Variants in ARFGEF1 observed in about 807,000 individuals in gnomAD.
ARFGEF1 encodes the protein brefeldin A-inhibited guanine nucleotide-exchange protein 1.
A neutral mutation model predicts 231.0 loss-of-function variants in ARFGEF1; 42 were observed. That is an observed-to-expected ratio of 0.18 (90% CI 0.14 to 0.24). The LOEUF is 0.24. Ranked by LOEUF, ARFGEF1 falls within the 10% of genes least tolerant of loss-of-function variation. The pLI is 1.00. For synonymous variants in ARFGEF1, 710 were observed against 732.3 expected, an observed-to-expected ratio of 0.97 and a Z score of 0.49; for missense variants, 1,345 against 2,192.0, an observed-to-expected ratio of 0.61 and a Z score of 7.72.
intron 1 of ARFGEF1, among the ~76,000 whole-genome samples, chr8:67,310,054 G>T (rs922178602): frequency 6.6e-6 from 1 of 152,066 alleles, no homozygotes; most frequent in Non-Finnish European, 1.5e-5. Context: ...ACCCAAACAG[G>T]ATAGAAATCC....
chr8:67,270,650 CAT>C (rs776561699), intron 10 of ARFGEF1, among the ~76,000 whole-genome samples: 27 of 134,718 alleles, frequency 2.0e-4, no homozygotes, highest in Non-Finnish European at 3.4e-4. Context: ...ATTGGTAAAA[CAT>C]AAAGTACTAT....
At chr8:67,288,107 T>C in intron 6 of ARFGEF1, 42 bp from the exon 7 acceptor site, 1 of 1,357,164 alleles carries the variant, frequency 7.4e-7, no homozygotes, top group Non-Finnish European at 1.0e-6. Flanking sequence ...ATTTTAACTT[T>C]TTGGAAGCTT....
rs780576264 is a variant in ARFGEF1, at chr8:67,238,402, T to C, written c.3230A>G (p.Glu1077Gly). Residue 1077 changes from glutamate (E) to glycine (G), a missense_variant, in exon 22 of 39, where the codon GAA becomes GGA. Physicochemically the swap from Glu to Gly is moderately conservative, Grantham distance 98. Coordinates refer to ENST00000262215, the MANE Select transcript of ARFGEF1 (RefSeq NM_006421.5). ...RYISGTVRGR[E>G]GSLTGTKDQA... ...ATCTTTTGTTCCAGTAAGAGATCCT[T>C]CTCTGCCTCGCACTGTTCCAGAAAT... 6 of 1,613,508 alleles carry C rather than the reference T, an allele frequency of 3.7e-6. No homozygotes were observed. The African/African-American group carries it at 8.0e-5, about 22-fold the overall frequency.
chr8:67,175,892 T>C (rs1369390452), intron 5 of ARFGEF1, among the ~76,000 whole-genome samples: 6 of 152,238 alleles, frequency 3.9e-5, no homozygotes, highest in Admixed American at 3.9e-4. Context: ...GAATATGTTT[T>C]CGTATAATCA....
At chr8:67,214,868 C>A (rs1380908161) in intron 33 of ARFGEF1, among the ~76,000 whole-genome samples, 1 of 152,178 alleles carries the variant, frequency 6.6e-6, no homozygotes, top group African/African-American at 2.4e-5. Flanking sequence ...AACAGAGCTA[C>A]AAACGTGCTA....
At chr8:67,281,526 T>C (rs988876982) in intron 7 of ARFGEF1, among the ~76,000 whole-genome samples, 1 of 151,368 alleles carries the variant, frequency 6.6e-6, no homozygotes, top group Non-Finnish European at 1.5e-5. Flanking sequence ...ATAGCAATAA[T>C]GTTAAAAAAA....
chr8:67,236,124 G>A (rs1404894604), intron 22 of ARFGEF1, among the ~76,000 whole-genome samples: 1 of 150,446 alleles, frequency 6.6e-6, no homozygotes, highest in Non-Finnish European at 1.5e-5. Context: ...GTGAAACCCT[G>A]TCTCTACTAA....
At chr8:67,227,714 T>G (rs773452252) in intron 25 of ARFGEF1, 116 bp from the exon 26 acceptor site, 5 of 1,187,910 alleles carry the variant, frequency 4.2e-6, no homozygotes, top group Non-Finnish European at 5.8e-6. Context: ...AATCCTAAGA[T>G]TTTCCATAAA....
At position 67,343,567 on chromosome 8, in the gene ARFGEF1, C is replaced by T; in HGVS notation, c.-280G>A. The T allele has an allele frequency of 8.9e-7, 1 of 1,121,302 alleles. No homozygotes were observed. The highest frequency in any genetic ancestry group is 5.4e-5 in the East Asian group (1 of 18,428). The allele number at this position is 1,121,302 out of a possible 1,614,324, so 69.5% of individuals were successfully genotyped here. A position where few individuals can be genotyped will look rare whatever the true frequency, so the allele number is the denominator to read the frequency against. On this transcript the variant is annotated 5_prime_UTR_variant, in exon 1 of 39. Coordinates refer to ENST00000262215, the MANE Select transcript of ARFGEF1 (RefSeq NM_006421.5). The stretch of plus-strand genomic sequence containing the variant: ...TCCCGGCCCGGGGGTCGCGTCCCGG[C>T]CGCCCCTCTCACTCGTCCCTCCGGC...
chr8:67,329,166 C>G (rs1273132739), intron 1 of ARFGEF1, among the ~76,000 whole-genome samples: 1 of 151,984 alleles, frequency 6.6e-6, no homozygotes, highest in Non-Finnish European at 1.5e-5. Context: ...GCGGAGATGG[C>G]CGTGAGCCGA....
chr8:67,254,900 T>TA (rs879816603), intron 17 of ARFGEF1, among the ~76,000 whole-genome samples: 189 of 141,804 alleles, frequency 1.3e-3, no homozygotes, highest in East Asian at 2.2e-3. Flanking sequence ...GTCATGGCAC[T>TA]AAAAAAAAAA....
intron 17 of ARFGEF1, among the ~76,000 whole-genome samples, chr8:67,254,875 A>G (rs949411188): frequency 2.6e-5 from 4 of 152,130 alleles, no homozygotes; most frequent in Non-Finnish European, 4.4e-5. Context: ...CTATCTTATA[A>G]CTTTAAAAAC....
intron 1 of ARFGEF1, among the ~76,000 whole-genome samples, chr8:67,335,625 G>A (rs188075737): frequency 4.4e-4 from 67 of 152,258 alleles, no homozygotes; most frequent in African/African-American, 1.6e-3. Flanking sequence ...TCTGACAGAT[G>A]AGGATTGTTA....
At chr8:67,317,294 G>C (rs1807362368) in intron 1 of ARFGEF1, among the ~76,000 whole-genome samples, 1 of 152,134 alleles carries the variant, frequency 6.6e-6, no homozygotes, top group Non-Finnish European at 1.5e-5. Context: ...AGGAACCCCT[G>C]AATTTGTAGC....
In ARFGEF1 at chr8:67,302,504, GGA is replaced by G. The variant is rs757070075; in HGVS notation, c.125-40_125-39del. ...AAAAAGAAGCATACATTAGAAAACT[GGA>G]CAGCAGAAAGACTGAGTAATTTCTT... is the stretch of plus-strand genomic sequence containing the variant. On this transcript the variant is annotated intron_variant, in intron 1 of 38. Transcript: ENST00000262215. 2.6e-5 allele frequency: 38 copies of G among 1,489,950 alleles called. No homozygotes were observed. In the East Asian group the frequency reaches 9.0e-4, roughly 35 times the overall value. The allele number at this position is 1,489,950 out of a possible 1,614,324, so 92.3% of individuals were successfully genotyped here. A position where few individuals can be genotyped will look rare whatever the true frequency, so the allele number is the denominator to read the frequency against.
At chr8:67,328,666 T>C (rs1396372359) in intron 1 of ARFGEF1, among the ~76,000 whole-genome samples, 2 of 152,198 alleles carry the variant, frequency 1.3e-5, no homozygotes, top group Non-Finnish European at 2.9e-5. Context: ...GAATTTTCCC[T>C]CATTTCTGCA....
At chr8:67,337,571 TTC>T (rs914815017) in intron 1 of ARFGEF1, among the ~76,000 whole-genome samples, 27 of 151,906 alleles carry the variant, frequency 1.8e-4, no homozygotes, top group African/African-American at 5.1e-4. Context: ...CCTCCCATCT[TTC>T]TCTCTGTCTC....
At chr8:67,195,770 T>C (rs1458590880), downstream of ARFGEF1, 3 of 592,198 alleles carry the variant, frequency 5.1e-6, no homozygotes, top group African/African-American at 1.9e-5. Context: ...GCCATGATTA[T>C]TGATTTATAT....
chr8:67,199,391 G>C lies in ARFGEF1; in HGVS notation c.5386-293C>G, dbSNP rs968872673. The C allele has an allele frequency of 3.1e-5, 8 of 258,136 alleles. No individual in the cohort carries two copies. In the East Asian group the frequency reaches 8.2e-4, roughly 26 times the overall value. 16.0% of individuals were successfully genotyped at this position (258,136 alleles called of 1,614,324 possible). On this transcript the variant is annotated intron_variant, in intron 38 of 38. Transcript: ENST00000262215. ...TGGGTAATAAGCAGCAGGCAAGTGA[G>C]TACAAACTAGAGTTGAGATTTTATA...
Sources: gnomAD v4.1 joint callset for allele counts (sites outside exome capture counted in the v4.1 genomes callset) on GRCh38, gnomAD v4.1.1 for gene constraint, MANE v1.5 for transcripts, NCBI Gene and HGNC (gene_info 2026-07-23, HGNC 2026-07-21) for gene names.